Variants in UNKL observed in about 807,000 individuals in gnomAD.
UNKL encodes unk like zinc finger, also known as putative E3 ubiquitin-protein ligase UNKL.
UNKL carries 60 observed loss-of-function variants against 78.0 expected under a neutral mutation model. The observed-to-expected ratio is 0.77, with a 90% CI of 0.63 to 0.95. The LOEUF is 0.95. UNKL is among the 40% of genes least tolerant of loss of function. The probability of loss-of-function intolerance (pLI) is 0.00; values close to 1 mark genes in which losing one functional copy is unlikely to be tolerated. For synonymous variants in UNKL, 608 were observed against 474.8 expected (o/e 1.28, Z -3.65); for missense variants, 1,159 against 1,045.7 (o/e 1.11, Z -1.49).
intron 7 of UNKL, among the ~76,000 whole-genome samples, chr16:1,393,348 G>A (rs1326267791): frequency 6.6e-6 from 1 of 151,866 alleles, no homozygotes; most frequent in African/African-American, 2.4e-5. Context: ...CCAAACCCCA[G>A]GGCTGCGAGG....
chr16:1,396,052 C>T (rs560098189), intron 6 of UNKL, among the ~76,000 whole-genome samples: 44 of 152,134 alleles, frequency 2.9e-4, no homozygotes, highest in Admixed American at 1.2e-3. Flanking sequence ...AAGTGATCCT[C>T]GCGCCTCAGC....
Position 1,399,474 on chromosome 16 carries a change from G to C in UNKL, c.634C>G (p.Gln212Glu). ...CACAGGCGTGGCGGCTTCGGGCACT[G>C]CTCCGTCTTGTAGCTGCCCAGCACG... ...NFVLGSYKTE[Q>E]CPKPPRLCRQ... is the part of the protein sequence containing the mutation. Residue 212 changes from glutamine to glutamate, a missense_variant, in exon 5 of 15, where the codon CAG (glutamine) becomes GAG (glutamate). Physicochemically the swap from Gln to Glu is conservative, Grantham distance 29. Transcript: ENST00000389221. The surrounding 1 kb of genome is among the most constrained non-coding windows in gnomAD (Gnocchi z 5.8). The C allele has an allele frequency of 6.2e-7, 1 of 1,600,756 alleles. No homozygotes were observed. The highest frequency in any genetic ancestry group is 8.5e-7 in the Non-Finnish European group (1 of 1,174,588).
intron 6 of UNKL, among the ~76,000 whole-genome samples, chr16:1,394,937 G>C (rs929893041): frequency 2.6e-5 from 4 of 152,206 alleles, no homozygotes; most frequent in Non-Finnish European, 5.9e-5. Flanking sequence ...GAGTGCAGTC[G>C]CAAGATCTCG....
At position 1,367,651 on chromosome 16, in the gene UNKL, C is replaced by T. The variant is rs1353253463; in HGVS notation, c.1788+5G>A. 1.9e-6 allele frequency: 3 copies of T among 1,560,744 alleles called. No individual in the cohort carries two copies. The highest frequency in any genetic ancestry group is 2.4e-5 in the East Asian group (1 of 41,478). ...CTCACCTGTCTGGCCCCCCCACACA[C>T]TCACCTGCTTCACCTGCTGCCAGGA... On this transcript the variant is annotated splice_donor_5th_base_variant and intron_variant, in intron 13 of 14. Coordinates refer to ENST00000389221, the MANE Select transcript of UNKL (RefSeq NM_001372107.1).
intron 10 of UNKL, among the ~76,000 whole-genome samples, chr16:1,375,560 A>G (rs1413122648): frequency 6.6e-6 from 1 of 152,120 alleles, no homozygotes; most frequent in Non-Finnish European, 1.5e-5. Flanking sequence ...CCGGGACGGC[A>G]CACGGCGCAT....
In UNKL at chr16:1,397,606, CCCG is replaced by C. The variant is rs1270940996; in HGVS notation, c.735-314_735-312del. Among the ~76,000 whole-genome samples the C allele has an allele frequency of 3.8e-3, 6 of 1,568 alleles. 2 individuals carry two copies. The highest frequency in any genetic ancestry group is 0.011 in the Admixed American group (3 of 270). The allele number at this position is 1,568 out of a possible 152,430, so 1.0% of individuals were successfully genotyped here. ...GACACAGAGGACTTGGCTCCCCCAC[CCCG>C]ACCCCCGTGCTTCACGCTGGGGCAG... On this transcript the variant is annotated intron_variant, in intron 5 of 14. Transcript: ENST00000389221.
At chr16:1,376,631 C>T (rs751163893) in intron 10 of UNKL, among the ~76,000 whole-genome samples, 13 of 152,106 alleles carry the variant, frequency 8.5e-5, no homozygotes, top group Non-Finnish European at 1.8e-4. Flanking sequence ...CCCACCCTAC[C>T]GGCCTCATTT....
chr16:1,378,363 G>A (rs2036390540), intron 10 of UNKL, among the ~76,000 whole-genome samples: 1 of 152,214 alleles, frequency 6.6e-6, no homozygotes, highest in Admixed American at 6.5e-5. Flanking sequence ...CTGCACCCAA[G>A]TCCCAGGATC....
rs567723699 is a variant in UNKL, at chr16:1,379,394, G to A, written c.1264+5814C>T. On this transcript the variant is annotated intron_variant, in intron 10 of 14. Coordinates refer to ENST00000389221, the MANE Select transcript of UNKL (RefSeq NM_001372107.1). ...CCTAGCTAGGGGACGCAGGCGGCCC[G>A]AGCCCGCGCTGGGAAGCGGCGAGCG... 1.5e-3 allele frequency: 1,298 copies of A among 871,502 alleles called. 2 individuals carry two copies. The highest frequency in any genetic ancestry group is 1.9e-3 in the Admixed American group (30 of 16,144). 54.0% of individuals were successfully genotyped at this position (871,502 alleles called of 1,614,324 possible).
chr16:1,368,112 A>C (rs978521472), intron 12 of UNKL: 7 of 547,358 alleles, frequency 1.3e-5, no homozygotes, highest in Middle Eastern at 4.8e-4. Flanking sequence ...CCACCTGAGG[A>C]GTCTAAACAG....
At chr16:1,398,387 C>T (rs2037368061) in intron 5 of UNKL, 8 of 1,019,758 alleles carry the variant, frequency 7.8e-6, no homozygotes, top group Non-Finnish European at 9.4e-6. Context: ...TTTTTATTTT[C>T]TTTCCATGAC....
intron 2 of UNKL, among the ~76,000 whole-genome samples, chr16:1,405,535 C>A (rs2037715120): frequency 6.6e-6 from 1 of 151,342 alleles, no homozygotes; most frequent in Non-Finnish European, 1.5e-5. Context: ...GAGATCGCGC[C>A]ACTGTACTCC....
At chr16:1,371,342 T>A (rs968590818) in intron 11 of UNKL, among the ~76,000 whole-genome samples, 177 bp downstream of exon 11, 1 of 152,024 alleles carries the variant, frequency 6.6e-6, no homozygotes, top group Non-Finnish European at 1.5e-5. Context: ...CAGAAGGGGA[T>A]CCTCCCGCTC....
chr16:1,386,780 GCTGC>G (rs1333434213), intron 9 of UNKL, among the ~76,000 whole-genome samples: 5 of 152,112 alleles, frequency 3.3e-5, no homozygotes, highest in African/African-American at 1.2e-4. Context: ...TAAGGGTCCT[GCTGC>G]CTGCCCTGGC....
intron 6 of UNKL, chr16:1,394,466 G>C: frequency 1.5e-6 from 1 of 667,518 alleles, no homozygotes; most frequent in Non-Finnish European, 2.8e-6. Flanking sequence ...TCCCATCACA[G>C]GCAAAGTCAT....
intron 3 of UNKL, among the ~76,000 whole-genome samples, chr16:1,402,405 G>C (rs1322439445): frequency 6.6e-6 from 1 of 152,114 alleles, no homozygotes; most frequent in Non-Finnish European, 1.5e-5. Flanking sequence ...GCTCACGTCT[G>C]TAATCCCAGA....
chr16:1,398,680 C>CG, intron 5 of UNKL: 14 of 1,234,522 alleles, frequency 1.1e-5, no homozygotes, highest in East Asian at 4.0e-5. Flanking sequence ...GTGGGGTCTG[C>CG]ACCCCCCCAC....
At position 1,365,654 on chromosome 16, in the gene UNKL, C is replaced by T. The variant is rs936076605; in HGVS notation, c.*586G>A. 6.6e-6 allele frequency: 1 copy of T among 152,556 alleles called. No homozygotes were observed. The highest frequency in any genetic ancestry group is 1.5e-5 in the Non-Finnish European group (1 of 68,020). 9.5% of individuals were successfully genotyped at this position (152,556 alleles called of 1,614,324 possible). ...AATGTAAAAATCCTAGGTCTTACTA[C>T]TAGATAAACACTCATTTCATAAGTA... On this transcript the variant is annotated 3_prime_UTR_variant, in exon 15 of 15. Coordinates refer to ENST00000389221, the MANE Select transcript of UNKL (RefSeq NM_001372107.1).
chr16:1,365,176 T>G lies in UNKL; in HGVS notation c.*1064A>C, dbSNP rs1298387117. 6.6e-6 allele frequency: 1 copy of G among 152,108 alleles called. No homozygotes were observed. Among genetic ancestry groups the G allele is most frequent in the Non-Finnish European group, 1.5e-5 (1 of 68,046 alleles). 9.4% of individuals were successfully genotyped at this position (152,108 alleles called of 1,614,324 possible). A position where few individuals can be genotyped will look rare whatever the true frequency, so the allele number is the denominator to read the frequency against. On this transcript the variant is annotated 3_prime_UTR_variant, in exon 15 of 15. Transcript: ENST00000389221. ...GCCAGGCCAATTTTTGTATTTTTACTAAGACGGGGTTGCACCATGTTGGCC... is the reference window on the plus strand; with the variant it reads ...GCCAGGCCAATTTTTGTATTTTTACGAAGACGGGGTTGCACCATGTTGGCC...
Sources: gnomAD v4.1 joint callset for allele counts (sites outside exome capture counted in the v4.1 genomes callset) on GRCh38, gnomAD v4.1.1 for gene constraint, Gnocchi (gnomAD v3.1) non-coding constraint, MANE v1.5 for transcripts, NCBI Gene and HGNC (gene_info 2026-07-23, HGNC 2026-07-21) for gene names.